The following CTNNA3 variants were observed in gnomAD, a reference collection of about 807,000 sequenced individuals.
CTNNA3 encodes catenin alpha-3.
In CTNNA3, 76 loss-of-function variants were observed where a neutral mutation model predicts 95.7. The ratio of observed to expected loss-of-function variants is 0.79; its 90% confidence interval spans 0.66 to 0.96. The LOEUF (loss-of-function observed/expected upper bound fraction) is 0.96, where lower values mean the gene tolerates loss of function less well. Among genes scored for constraint, CTNNA3 ranks in the 40% least tolerant of loss-of-function variants. The probability of loss-of-function intolerance (pLI) is 0.00; values close to 1 mark genes in which losing one functional copy is unlikely to be tolerated. For missense variants in CTNNA3, 1,191 were observed against 1,089.8 expected (o/e 1.09, Z -1.31); for synonymous variants, 431 against 374.4 (o/e 1.15, Z -1.74).
chr10:66,384,335 CAA>C (rs2092870135), intron 11 of CTNNA3, among the ~76,000 whole-genome samples: 1 of 152,028 alleles, frequency 6.6e-6, no homozygotes, highest in Non-Finnish European at 1.5e-5. Flanking sequence ...CAACAAAGAT[CAA>C]AAGAGATAAA....
intron 11 of CTNNA3, among the ~76,000 whole-genome samples, chr10:66,467,645 G>A (rs1589291669): frequency 6.6e-6 from 1 of 152,176 alleles, no homozygotes; most frequent in East Asian, 1.9e-4. Flanking sequence ...TTGTGTATGT[G>A]TGATATCAGA....
intron 7 of CTNNA3, among the ~76,000 whole-genome samples, chr10:66,951,588 G>C (rs1313842413): frequency 2.6e-5 from 4 of 152,118 alleles, no homozygotes; most frequent in Admixed American, 2.6e-4. Context: ...ACAGAGATAG[G>C]GCATGAAATG....
At chr10:66,494,458 T>C (rs148271078) in intron 11 of CTNNA3, among the ~76,000 whole-genome samples, 17 of 152,336 alleles carry the variant, frequency 1.1e-4, no homozygotes, top group African/African-American at 4.1e-4. Flanking sequence ...ATTTCCCTTG[T>C]AGAAGCTATG....
intron 11 of CTNNA3, among the ~76,000 whole-genome samples, chr10:66,446,436 G>C (rs913640722): frequency 4.0e-5 from 6 of 151,820 alleles, no homozygotes; most frequent in African/African-American, 1.5e-4. Flanking sequence ...TAAAATACTG[G>C]CAAACCGAAT....
chr10:67,408,006 A>G (rs1845204603), intron 5 of CTNNA3, among the ~76,000 whole-genome samples: 1 of 152,178 alleles, frequency 6.6e-6, no homozygotes, highest in Admixed American at 6.6e-5. Flanking sequence ...CACAATGAGA[A>G]TAAAATACCT....
chr10:66,377,742 T>C (rs4381268), intron 12 of CTNNA3, among the ~76,000 whole-genome samples: 25,358 of 151,960 alleles, frequency 0.17, 2,908 homozygotes, highest in East Asian at 0.45. Context: ...AAACTCTGTA[T>C]GTGGTTTTGA....
At chr10:67,360,515 T>C (rs1008291138) in intron 5 of CTNNA3, among the ~76,000 whole-genome samples, 28 of 151,478 alleles carry the variant, frequency 1.8e-4, no homozygotes, top group African/African-American at 6.6e-4. Context: ...TGGAGAAGCA[T>C]CTATGTATTA....
intron 7 of CTNNA3, among the ~76,000 whole-genome samples, chr10:66,790,313 G>A (rs996658584): frequency 6.6e-6 from 1 of 152,086 alleles, no homozygotes; most frequent in African/African-American, 2.4e-5. Context: ...ACCAGGCGTG[G>A]TGGTGCACAT....
intron 7 of CTNNA3, among the ~76,000 whole-genome samples, chr10:66,776,480 A>G (rs1840306008): frequency 6.6e-6 from 1 of 152,126 alleles, no homozygotes; most frequent in Admixed American, 6.5e-5. Flanking sequence ...ACTTTCCCCA[A>G]TGACTAAACT....
intron 9 of CTNNA3, among the ~76,000 whole-genome samples, chr10:66,710,385 T>C (rs1327096216): frequency 1.3e-5 from 2 of 152,112 alleles, no homozygotes; most frequent in African/African-American, 4.8e-5. Flanking sequence ...AAAGTTGGGC[T>C]TTTCCCTTTT....
chr10:67,013,946 A>C (rs1852492428), intron 7 of CTNNA3, among the ~76,000 whole-genome samples: 1 of 152,254 alleles, frequency 6.6e-6, no homozygotes, highest in East Asian at 1.9e-4. Flanking sequence ...CAAGGTCTAA[A>C]AACCCACTAA....
At chr10:67,450,823 T>G (rs1034949454) in intron 5 of CTNNA3, among the ~76,000 whole-genome samples, 14 of 151,902 alleles carry the variant, frequency 9.2e-5, no homozygotes, top group Non-Finnish European at 1.8e-4. Flanking sequence ...CATAGACAAC[T>G]TTATGAAAAA....
At chr10:67,572,303 G>C (rs1842004677) in intron 3 of CTNNA3, among the ~76,000 whole-genome samples, 1 of 151,938 alleles carries the variant, frequency 6.6e-6, no homozygotes, top group African/African-American at 2.4e-5. Flanking sequence ...GGAAAGTGCT[G>C]AGCTAAAGTA....
chr10:66,076,195 G>A (rs1259879922), intron 14 of CTNNA3, among the ~76,000 whole-genome samples: 1 of 151,496 alleles, frequency 6.6e-6, no homozygotes, highest in Non-Finnish European at 1.5e-5. Flanking sequence ...ACATGTACGT[G>A]TTTTCTTAAA....
intron 7 of CTNNA3, among the ~76,000 whole-genome samples, chr10:67,104,369 G>A (rs1229329848): frequency 6.6e-6 from 1 of 151,798 alleles, no homozygotes; most frequent in African/African-American, 2.4e-5. Flanking sequence ...TACATCAAAA[G>A]AGGCTGAAAG....
chr10:67,574,549 T>C (rs1842081207), intron 3 of CTNNA3, among the ~76,000 whole-genome samples: 1 of 151,884 alleles, frequency 6.6e-6, no homozygotes. Flanking sequence ...CACTTCAAAT[T>C]GTATTCTTAC....
At chr10:66,082,261 T>C (rs575141388) in intron 14 of CTNNA3, among the ~76,000 whole-genome samples, 1 of 151,690 alleles carries the variant, frequency 6.6e-6, no homozygotes, top group Non-Finnish European at 1.5e-5. Flanking sequence ...AGAAATAAGA[T>C]CTATTAATAT....
At chr10:65,932,865 G>T (rs1426484715) in intron 17 of CTNNA3, among the ~76,000 whole-genome samples, 1 of 151,880 alleles carries the variant, frequency 6.6e-6, no homozygotes, top group Non-Finnish European at 1.5e-5. Context: ...AGCTTCTCTT[G>T]TCCTCCAGAA....
intron 13 of CTNNA3, among the ~76,000 whole-genome samples, chr10:66,104,190 G>C (rs1482902247): frequency 6.6e-6 from 1 of 152,106 alleles, no homozygotes; most frequent in Non-Finnish European, 1.5e-5. Flanking sequence ...CTCTTTCTCA[G>C]GGAGGTGTCT....
Sources: gnomAD v4.1 joint callset for allele counts (sites outside exome capture counted in the v4.1 genomes callset) on GRCh38, gnomAD v4.1.1 for gene constraint, MANE v1.5 for transcripts, NCBI Gene and HGNC (gene_info 2026-07-23, HGNC 2026-07-21) for gene names.